Variants in PDE1C observed in about 807,000 individuals in gnomAD.
The protein encoded by PDE1C is dual specificity calcium/calmodulin-dependent 3',5'-cyclic nucleotide phosphodiesterase 1C.
Under a neutral mutation model 93.1 loss-of-function variants are expected in PDE1C, and 62 were observed. The ratio of observed to expected loss-of-function variants is 0.67; its 90% CI spans 0.54 to 0.82. PDE1C has a LOEUF of 0.82. PDE1C is among the 40% of genes least tolerant of loss of function. The pLI is 0.00. For missense variants in PDE1C, 742 were observed against 884.6 expected (o/e 0.84, Z 2.04); for synonymous variants, 325 against 310.1 (o/e 1.05, Z -0.50).
At chr7:32,118,442 C>T (rs749185702) in intron 3 of PDE1C, among the ~76,000 whole-genome samples, 16 of 152,256 alleles carry the variant, frequency 1.1e-4, no homozygotes, top group South Asian at 2.1e-4. Flanking sequence ...GGCTTAGAGC[C>T]GAGTTTGATT....
chr7:32,176,572 A>G (rs1202137407), intron 2 of PDE1C, among the ~76,000 whole-genome samples: 1 of 152,214 alleles, frequency 6.6e-6, no homozygotes, highest in Non-Finnish European at 1.5e-5. Flanking sequence ...AACAGAAATG[A>G]ACCTAACTGT....
chr7:31,870,867 G>A (rs1455999240), intron 6 of PDE1C, among the ~76,000 whole-genome samples: 2 of 151,656 alleles, frequency 1.3e-5, no homozygotes, highest in Non-Finnish European at 2.9e-5. Context: ...TATGTTACAA[G>A]GCTATAGTAA....
intron 1 of PDE1C, among the ~76,000 whole-genome samples, chr7:32,278,666 C>A (rs55694269): frequency 0.066 from 9,993 of 152,184 alleles, 749 homozygotes; most frequent in South Asian, 0.18. Context: ...AGCTCCAAGG[C>A]GATGCTGTCT....
At chr7:32,169,083 A>G (rs77345139) in intron 3 of PDE1C, among the ~76,000 whole-genome samples, 1,665 of 152,312 alleles carry the variant, frequency 0.011, 31 homozygotes, top group African/African-American at 0.038. Context: ...TGATACCAGT[A>G]GTACTGTAAA....
chr7:32,128,006 T>C (rs992173204), intron 3 of PDE1C, among the ~76,000 whole-genome samples: 6 of 151,972 alleles, frequency 3.9e-5, no homozygotes, highest in African/African-American at 1.4e-4. Context: ...AATAATGTTA[T>C]ACTAATGTAG....
chr7:31,828,564 C>T (rs1256202927), intron 11 of PDE1C, among the ~76,000 whole-genome samples, 191 bp from the exon 12 acceptor site: 1 of 152,164 alleles, frequency 6.6e-6, no homozygotes, highest in Non-Finnish European at 1.5e-5. Flanking sequence ...CCTCTGGGAT[C>T]CAATAGTTCC....
intron 1 of PDE1C, among the ~76,000 whole-genome samples, chr7:32,210,102 A>T (rs1328848030): frequency 6.6e-6 from 1 of 152,170 alleles, no homozygotes; most frequent in African/African-American, 2.4e-5. Context: ...TAGAAACCTT[A>T]CCCCTAAAGC....
At chr7:32,316,513 CG>C (rs1783176508) in intron 1 of PDE1C, among the ~76,000 whole-genome samples, 1 of 152,158 alleles carries the variant, frequency 6.6e-6, no homozygotes, top group African/African-American at 2.4e-5. Flanking sequence ...TCACCATACA[CG>C]GCAAGCTGAT....
chr7:31,913,129 TC>T (rs748515361), intron 2 of PDE1C, among the ~76,000 whole-genome samples: 1 of 152,126 alleles, frequency 6.6e-6, no homozygotes, highest in Non-Finnish European at 1.5e-5. Context: ...TCAGCTTGCA[TC>T]CCTGAAATGG....
At chr7:31,721,676 T>C in the PDE1C span, among the ~76,000 whole-genome samples, 5 of 152,164 alleles carry the variant, frequency 3.3e-5, no homozygotes, top group African/African-American at 1.2e-4. Context: ...ATCAACATAA[T>C]GGAATTTGAT....
chr7:32,324,208 T>G (rs1177484427), intron 1 of PDE1C, among the ~76,000 whole-genome samples: 1 of 152,238 alleles, frequency 6.6e-6, no homozygotes, highest in Non-Finnish European at 1.5e-5. Flanking sequence ...TCTCATGCTA[T>G]TATATGGCCC....
chr7:32,097,011 C>T (rs973180496), intron 3 of PDE1C, among the ~76,000 whole-genome samples: 4 of 152,194 alleles, frequency 2.6e-5, no homozygotes, highest in Admixed American at 2.6e-4. Context: ...TGCCAGCAGG[C>T]TCAGGACTCA....
intron 3 of PDE1C, among the ~76,000 whole-genome samples, chr7:32,104,569 G>C (rs574298327): frequency 6.6e-6 from 1 of 152,140 alleles, no homozygotes; most frequent in South Asian, 2.1e-4. Flanking sequence ...TCTGTTTTTT[G>C]GGTCCCATGT....
intron 7 of PDE1C, among the ~76,000 whole-genome samples, chr7:31,861,229 T>C (rs900107131): frequency 6.6e-6 from 1 of 152,220 alleles, no homozygotes; most frequent in Non-Finnish European, 1.5e-5. Context: ...CCTTGGTTTA[T>C]ACCCCATGTC....
At chr7:31,911,443 C>T (rs902305056) in intron 2 of PDE1C, among the ~76,000 whole-genome samples, 1 of 152,128 alleles carries the variant, frequency 6.6e-6, no homozygotes, top group African/African-American at 2.4e-5. Context: ...TTTTCCTACA[C>T]GGCCCCTCCT....
chr7:32,171,246 C>T (rs1802629441), intron 2 of PDE1C, among the ~76,000 whole-genome samples: 2 of 152,088 alleles, frequency 1.3e-5, no homozygotes, highest in South Asian at 4.1e-4. Flanking sequence ...CTAAAACACC[C>T]AATCTAGCCA....
rs1287276840 is a variant in PDE1C, at chr7:31,828,360, G to A, written c.1217C>T (p.Ala406Val). The change falls in exon 12 of 18, where the codon GCA becomes GTA. Residue 406 changes from alanine (A) to valine (V), a missense_variant. Physicochemically the swap from Ala to Val is moderately conservative, Grantham distance 64. This residue lies in a region of PDE1C where 454 missense variants were observed against 459.4 expected (regional missense o/e 0.99). Transcript: ENST00000396191. Reference sequence around the variant, plus strand: ...AGGAGAAAAAGGCAGCCCCAGCTCTGCTTCTCTGTCACCCTGGAAAAATAA... The same window carrying A: ...AGGAGAAAAAGGCAGCCCCAGCTCTACTTCTCTGTCACCCTGGAAAAATAA... ...EEFFRQGDREAELGLPFSPLC... is the reference protein window; with the variant it reads ...EEFFRQGDREVELGLPFSPLC... 6.2e-7 allele frequency: 1 copy of A among 1,612,138 alleles called. No homozygotes were observed. Among genetic ancestry groups the A allele is most frequent in the African/African-American group, 1.3e-5 (1 of 74,856 alleles).
At chr7:32,322,657 C>A (rs902900314) in intron 1 of PDE1C, among the ~76,000 whole-genome samples, 1 of 150,486 alleles carries the variant, frequency 6.6e-6, no homozygotes, top group Non-Finnish European at 1.5e-5. Context: ...TGCTCTCTCA[C>A]GCAGGCTGGA....
chr7:32,319,544 G>C (rs922220857), intron 1 of PDE1C, among the ~76,000 whole-genome samples: 1 of 152,232 alleles, frequency 6.6e-6, no homozygotes, highest in Non-Finnish European at 1.5e-5. Context: ...TGAGGGCCAT[G>C]GTCTAGGGGA....
Sources: allele counts gnomAD v4.1 joint callset (sites outside exome capture counted in the v4.1 genomes callset), GRCh38; gene constraint gnomAD v4.1.1; regional missense constraint gnomAD v4.1.1; transcripts MANE v1.5; gene names NCBI Gene and HGNC (gene_info 2026-07-23, HGNC 2026-07-21).